CAMTA1: variants seen among roughly 807,000 people sequenced by gnomAD.
The protein encoded by CAMTA1 is calmodulin binding transcription activator 1.
In CAMTA1, 27 loss-of-function variants were observed where a neutral mutation model predicts 170.9. The ratio of observed to expected loss-of-function variants is 0.16; its 90% CI spans 0.12 to 0.22. The LOEUF (loss-of-function observed/expected upper bound fraction) is 0.22, where lower values mean the gene tolerates loss of function less well. Among genes scored for constraint, CAMTA1 ranks in the 10% least tolerant of loss-of-function variants. CAMTA1 has a pLI of 1.00. For missense variants in CAMTA1, 1,619 were observed against 2,217.2 expected (o/e 0.73, Z 5.42); for synonymous variants, 833 against 891.5 (o/e 0.93, Z 1.17).
intron 3 of CAMTA1, among the ~76,000 whole-genome samples, chr1:6,992,294 A>G (rs997294235): frequency 6.7e-6 from 1 of 149,542 alleles, no homozygotes; most frequent in Admixed American, 6.7e-5. Context: ...CTCGACTTGA[A>G]CTCCTGGGCT....
chr1:7,763,951 C>T (rs1158427790), intron 22 of CAMTA1, among the ~76,000 whole-genome samples: 1 of 152,158 alleles, frequency 6.6e-6, no homozygotes, highest in Non-Finnish European at 1.5e-5. Context: ...GCACACGCTG[C>T]AGAAATTCAG....
chr1:7,258,916 G>A (rs1667788234), intron 5 of CAMTA1, among the ~76,000 whole-genome samples: 2 of 152,240 alleles, frequency 1.3e-5, no homozygotes, highest in South Asian at 4.2e-4. Context: ...ATGGCTTACG[G>A]GCTAAGTAGG....
chr1:7,031,741 C>G (rs1286722749), intron 3 of CAMTA1, among the ~76,000 whole-genome samples: 1 of 152,064 alleles, frequency 6.6e-6, no homozygotes, highest in African/African-American at 2.4e-5. Flanking sequence ...CGGGGTTTCA[C>G]TGTGTTAGCC....
chr1:7,670,437 C>T (rs1220143872), intron 9 of CAMTA1, among the ~76,000 whole-genome samples: 6 of 152,200 alleles, frequency 3.9e-5, no homozygotes, highest in Non-Finnish European at 7.3e-5. Flanking sequence ...CCTACAAGAA[C>T]TTCTGGTCCC....
intron 3 of CAMTA1, among the ~76,000 whole-genome samples, chr1:6,877,524 G>A (rs1441643456): frequency 6.6e-6 from 1 of 152,144 alleles, no homozygotes; most frequent in Admixed American, 6.5e-5. Flanking sequence ...AACAGAAAAC[G>A]TCTCCCATTT....
At chr1:7,095,268 A>G (rs1000373150) in intron 4 of CAMTA1, among the ~76,000 whole-genome samples, 1 of 152,258 alleles carries the variant, frequency 6.6e-6, no homozygotes, top group African/African-American at 2.4e-5. Flanking sequence ...GACACCTCCC[A>G]GACCCTCAAG....
At chr1:7,354,449 T>C (rs1011735026) in intron 5 of CAMTA1, among the ~76,000 whole-genome samples, 1 of 152,228 alleles carries the variant, frequency 6.6e-6, no homozygotes, top group Non-Finnish European at 1.5e-5. Flanking sequence ...GCGCCCGACC[T>C]ACCACATTTT....
In CAMTA1 at chr1:7,136,181, C is replaced by T. The variant is rs547845039; in HGVS notation, c.302+44810C>T. Among the ~76,000 whole-genome samples the T allele has an allele frequency of 1.1e-3, 169 of 152,308 alleles. 4 individuals are homozygous for T. In the Middle Eastern group the frequency reaches 0.027, roughly 25 times the overall value. On this transcript the variant is annotated intron_variant, in intron 4 of 22. Transcript: ENST00000303635. ...TCTCCTCTTTCAGACAGCTCCTCTT[C>T]CTCCTCCACACTCTCAGCTTTTGGC...
chr1:7,215,698 A>T (rs1350099699), intron 4 of CAMTA1, among the ~76,000 whole-genome samples: 1 of 152,206 alleles, frequency 6.6e-6, no homozygotes, highest in Admixed American at 6.5e-5. Flanking sequence ...CTTACCTGGT[A>T]TGTAGTGTTT....
chr1:7,742,138 T>TATATATAC (rs1296413614), intron 16 of CAMTA1, among the ~76,000 whole-genome samples: 1 of 151,740 alleles, frequency 6.6e-6, no homozygotes, highest in Non-Finnish European at 1.5e-5. Context: ...TATACATATA[T>TATATATAC]ATATACATAC....
chr1:7,150,985 A>G (rs11587739), intron 4 of CAMTA1, among the ~76,000 whole-genome samples: 62,917 of 152,168 alleles, frequency 0.41, 13,457 homozygotes, highest in Middle Eastern at 0.58. Flanking sequence ...GCATTTGTTT[A>G]CAGGGCGAAA....
chr1:6,824,445 AAG>A (rs572646743), intron 2 of CAMTA1, among the ~76,000 whole-genome samples: 24 of 152,294 alleles, frequency 1.6e-4, no homozygotes, highest in South Asian at 1.0e-3. Flanking sequence ...ACTCATTTAG[AAG>A]AGTTACATTT....
chr1:7,236,199 G>T (rs1454817358), intron 4 of CAMTA1, among the ~76,000 whole-genome samples: 1 of 151,928 alleles, frequency 6.6e-6, no homozygotes. Flanking sequence ...TGTGAGATTC[G>T]GGCTGTCGCC....
At chr1:6,874,846 A>G (rs1238697659) in intron 3 of CAMTA1, among the ~76,000 whole-genome samples, 1 of 152,084 alleles carries the variant, frequency 6.6e-6, no homozygotes, top group Non-Finnish European at 1.5e-5. Context: ...TACGCTTGGT[A>G]AGGTGTCTAG....
chr1:7,603,683 C>T (rs2095464211), intron 6 of CAMTA1, among the ~76,000 whole-genome samples: 3 of 152,176 alleles, frequency 2.0e-5, no homozygotes, highest in South Asian at 4.2e-4. Flanking sequence ...CCCATTTACA[C>T]TTAAGGTTAA....
chr1:7,509,562 A>G (rs1243395049), intron 6 of CAMTA1, among the ~76,000 whole-genome samples: 9 of 152,192 alleles, frequency 5.9e-5, no homozygotes, highest in Non-Finnish European at 1.3e-4. Flanking sequence ...TGAGTGGTTT[A>G]TAAATTAGGG....
chr1:6,983,283 A>G (rs893567687), intron 3 of CAMTA1, among the ~76,000 whole-genome samples: 10 of 152,112 alleles, frequency 6.6e-5, no homozygotes, highest in African/African-American at 2.2e-4. Context: ...GCTAGTGTCT[A>G]TGTCCTGTGG....
intron 5 of CAMTA1, among the ~76,000 whole-genome samples, chr1:7,411,184 C>T (rs2090709803): frequency 6.6e-6 from 1 of 152,280 alleles, no homozygotes; most frequent in South Asian, 2.1e-4. Context: ...CACACTCTTT[C>T]CATCACTGTG....
At chr1:7,258,365 C>T (rs2149344477) in intron 5 of CAMTA1, among the ~76,000 whole-genome samples, 1 of 152,336 alleles carries the variant, frequency 6.6e-6, no homozygotes, top group African/African-American at 2.4e-5. Flanking sequence ...GTGTGCTGAA[C>T]TTGTACTTAA....
Sources: gnomAD v4.1 joint callset for allele counts (sites outside exome capture counted in the v4.1 genomes callset) on GRCh38, gnomAD v4.1.1 for gene constraint, MANE v1.5 for transcripts, NCBI Gene and HGNC (gene_info 2026-07-23, HGNC 2026-07-21) for gene names.